The following ZNF813 variants were observed in gnomAD, a reference collection of about 807,000 sequenced individuals.
The protein encoded by ZNF813 is zinc finger protein 813.
A neutral mutation model predicts 7.2 loss-of-function variants in ZNF813; 3 were observed. The ratio of observed to expected loss-of-function variants is 0.42; its 90% CI spans 0.19 to 1.08. The LOEUF (loss-of-function observed/expected upper bound fraction) is 1.08. Among genes scored for constraint, ZNF813 ranks in the 50% least tolerant of loss-of-function variants. The pLI is 0.30. For synonymous variants in ZNF813, 227 were observed against 256.3 expected (o/e 0.89, Z 1.09); for missense variants, 714 against 753.3 (o/e 0.95, Z 0.61).
At chr19:53,476,252 A>T (rs1003455164) in intron 1 of ZNF813, among the ~76,000 whole-genome samples, 1 of 152,228 alleles carries the variant, frequency 6.6e-6, no homozygotes, top group East Asian at 1.9e-4. Flanking sequence ...CCGGCAAAAG[A>T]AGCTCATCTG....
chr19:53,484,426 C>A (rs779513902), intron 2 of ZNF813, among the ~76,000 whole-genome samples: 7 of 152,264 alleles, frequency 4.6e-5, no homozygotes, highest in African/African-American at 7.2e-5. Flanking sequence ...CAACCTGAAT[C>A]ATAGCAGGAG....
intron 1 of ZNF813, among the ~76,000 whole-genome samples, chr19:53,477,334 T>C (rs2086386683): frequency 6.6e-6 from 1 of 152,114 alleles, no homozygotes; most frequent in South Asian, 2.1e-4. Flanking sequence ...AGATGCCCTG[T>C]ATGGATTTTT....
chr19:53,488,228 T>C (rs1321385961), intron 3 of ZNF813: 1 of 455,532 alleles, frequency 2.2e-6, no homozygotes, highest in Admixed American at 2.4e-5. Flanking sequence ...TCTCCTTTTT[T>C]GTCTGGCCGA....
In ZNF813 at chr19:53,494,300, G is replaced by C. The variant is rs973706355; in HGVS notation, c.*2214G>C. The C allele has an allele frequency of 1.3e-5, 2 of 152,124 alleles. No homozygotes were observed. The highest frequency in any genetic ancestry group is 6.5e-5 in the Admixed American group (1 of 15,268). 9.4% of individuals were successfully genotyped at this position (152,124 alleles called of 1,614,324 possible). A position where few individuals can be genotyped will look rare whatever the true frequency, so the allele number is the denominator to read the frequency against. ...AAACTGGTACGAATCTGTTATGTCTGAACAGGTCCTAGTTTGAGGCACCCA... is the reference window on the plus strand; with the variant it reads ...AAACTGGTACGAATCTGTTATGTCTCAACAGGTCCTAGTTTGAGGCACCCA... On this transcript the variant is annotated 3_prime_UTR_variant, in exon 4 of 4. Transcript: ENST00000396403.
At chr19:53,472,183 G>A (rs1484137520) in intron 1 of ZNF813, among the ~76,000 whole-genome samples, 1 of 152,078 alleles carries the variant, frequency 6.6e-6, no homozygotes, top group African/African-American at 2.4e-5. Context: ...GCTTTAGAAT[G>A]GTGAAATTTA....
At chr19:53,477,597 CT>C (rs1208512943) in intron 1 of ZNF813, among the ~76,000 whole-genome samples, 1 of 152,034 alleles carries the variant, frequency 6.6e-6, no homozygotes, top group East Asian at 1.9e-4. Context: ...AAGGGGATTG[CT>C]TGAGTCCAGG....
chr19:53,490,929 C>T lies in ZNF813; in HGVS notation c.697C>T (p.His233Tyr), dbSNP rs1247749519. The T allele has an allele frequency of 1.9e-6, 3 of 1,614,102 alleles. No individual in the cohort carries two copies. Among genetic ancestry groups the T allele is most frequent in the East Asian group, 4.5e-5 (2 of 44,872 alleles). Residue 233 changes from histidine (H) to tyrosine (Y), a missense_variant, in exon 4 of 4, where the codon CAT becomes TAT. Transcript: ENST00000396403. ...AFNYSSLLRK[H>Y]QIIHLGEKQY... ...TAATTATAGCTCACTCTTAAGGAAA[C>T]ATCAAATAATCCATTTAGGAGAGAA...
chr19:53,489,972 A>G (rs1379173425), intron 3 of ZNF813, among the ~76,000 whole-genome samples: 1 of 152,232 alleles, frequency 6.6e-6, no homozygotes, highest in Non-Finnish European at 1.5e-5. Flanking sequence ...TTATTTACCA[A>G]TATGGTATAT....
At chr19:53,480,868 A>C (rs1307605173) in intron 1 of ZNF813, among the ~76,000 whole-genome samples, 1 of 152,128 alleles carries the variant, frequency 6.6e-6, no homozygotes, top group African/African-American at 2.4e-5. Context: ...GGGGCTACGA[A>C]CTCTGGCGGA....
At position 53,472,810 on chromosome 19, in the gene ZNF813, C is replaced by G. The variant is rs573545627; in HGVS notation, c.-74+5021C>G. Among the ~76,000 whole-genome samples, 12 of 152,050 alleles carry G rather than the reference C, an allele frequency of 7.9e-5. No homozygotes were observed. In the South Asian group the frequency reaches 2.5e-3, roughly 32 times the overall value. On this transcript the variant is annotated intron_variant, in intron 1 of 3. Transcript: ENST00000396403. ...TATTTTTATTCAAGACGGGGTTGTT[C>G]CATGTTGGTGTGGCTGGTCTCGAAC... is the stretch of plus-strand genomic sequence containing the variant.
chr19:53,472,605 G>GT (rs1252964681), intron 1 of ZNF813, among the ~76,000 whole-genome samples: 1 of 117,558 alleles, frequency 8.5e-6, no homozygotes, highest in African/African-American at 3.2e-5. Flanking sequence ...ATAAGTACAA[G>GT]TCTTTCTTTT....
intron 1 of ZNF813, among the ~76,000 whole-genome samples, chr19:53,473,532 TG>T (rs1260209692): frequency 6.6e-6 from 1 of 152,164 alleles, no homozygotes; most frequent in Non-Finnish European, 1.5e-5. Context: ...CTGACTGTGG[TG>T]GATCTACGGC....
At chr19:53,470,153 CTTTCTTTTTCTTTTCT>C (rs1383356291) in intron 1 of ZNF813, among the ~76,000 whole-genome samples, 1 of 73,734 alleles carries the variant, frequency 1.4e-5, no homozygotes, top group African/African-American at 6.7e-5. Context: ...TTCTTTCTTT[CTTTCTTTTTCTTTTCT>C]TTTCTTTCTT....
chr19:53,483,912 C>G (rs2086421078), intron 2 of ZNF813, 75 bp downstream of exon 2: 1 of 1,612,004 alleles, frequency 6.2e-7, no homozygotes, highest in Non-Finnish European at 8.5e-7. Flanking sequence ...TGGGAATCTT[C>G]TCTGAGTCTG....
chr19:53,491,804 G>A lies in ZNF813; in HGVS notation c.1572G>A (p.Lys524=), dbSNP rs371767189. 226 of 1,613,626 alleles carry A rather than the reference G, an allele frequency of 1.4e-4. 1 individual carries two copies. The highest frequency in any genetic ancestry group is 1.7e-4 in the Non-Finnish European group (196 of 1,179,856). Residue 524 remains lysine (K), a synonymous_variant, in exon 4 of 4, where the codon AAG becomes AAA. Coordinates refer to ENST00000396403, the MANE Select transcript of ZNF813 (RefSeq NM_001004301.4). ...TTCATACTGGAGAGAAACCTTACAA[G>A]TGTAATGAATGTGGCAAGGTTTTTA... The part of the protein sequence containing the change: ...HRLHTGEKPY[K]CNECGKVFNR...
chr19:53,485,612 A>ATATAGATCATGAT (rs2086429677), intron 2 of ZNF813, among the ~76,000 whole-genome samples: 1 of 150,888 alleles, frequency 6.6e-6, no homozygotes, highest in Admixed American at 6.6e-5. Flanking sequence ...ATATATCGTG[A>ATATAGATCATGAT]TATATACATG....
Position 53,483,729 on chromosome 19 carries a change from C to T in ZNF813, c.-73-21C>T, listed in dbSNP as rs576945073. The T allele has an allele frequency of 5.0e-6, 8 of 1,599,134 alleles. No homozygotes were observed. The African/African-American group carries it at 9.4e-5, about 19-fold the overall frequency. Reference sequence around the variant, plus strand: ...GGATGTGTTGATTCTGAGCAATAAACAACATATTTCTAACATTCAGGATTG... The same window carrying T: ...GGATGTGTTGATTCTGAGCAATAAATAACATATTTCTAACATTCAGGATTG... On this transcript the variant is annotated intron_variant, in intron 1 of 3. Transcript: ENST00000396403.
chr19:53,487,665 G>T (rs1458632929), intron 3 of ZNF813, among the ~76,000 whole-genome samples: 1 of 152,074 alleles, frequency 6.6e-6, no homozygotes, highest in Admixed American at 6.5e-5. Context: ...GGACACTGTG[G>T]TGGGCATCTG....
At chr19:53,479,436 C>T (rs1244089766) in intron 1 of ZNF813, 15 of 1,550,946 alleles carry the variant, frequency 9.7e-6, no homozygotes, top group Non-Finnish European at 1.2e-5. Context: ...GAGCTGAGCA[C>T]CTCCAGTGAG....
Sources: allele counts gnomAD v4.1 joint callset (sites outside exome capture counted in the v4.1 genomes callset), GRCh38; gene constraint gnomAD v4.1.1; transcripts MANE v1.5; gene names NCBI Gene and HGNC (gene_info 2026-07-23, HGNC 2026-07-21).